MACF1: variants seen among roughly 807,000 people sequenced by gnomAD.
The protein encoded by MACF1 is microtubule-actin cross-linking factor 1.
Under a neutral mutation model 854.8 loss-of-function variants are expected in MACF1, and 193 were observed. That is an observed-to-expected ratio of 0.23 (90% CI 0.20 to 0.25). The LOEUF (loss-of-function observed/expected upper bound fraction) is 0.25. Among genes scored for constraint, MACF1 ranks in the 10% least tolerant of loss-of-function variants. The pLI, the probability that MACF1 is intolerant of heterozygous loss-of-function variation, is 1.00. For missense variants in MACF1, 7,722 were observed against 8,929.1 expected (o/e 0.86, Z 5.45); for synonymous variants, 3,185 against 3,226.7 (o/e 0.99, Z 0.44).
At position 39,316,505 on chromosome 1, in the gene MACF1, G is replaced by C. The variant is rs1455109332; in HGVS notation, c.3564G>C (p.Leu1188=). Residue 1188 remains leucine, a synonymous_variant, in exon 28 of 101, where the codon CTG becomes CTC. Coordinates refer to ENST00000564288, the MANE Select transcript of MACF1 (RefSeq NM_001394062.1). ...EEVVLADLSA[L]EAHWSTLRHW... ...TAGTACTGGCAGATCTCTCAGCTCTGGAGGCCCATTGGTCGACATTACGGG... is the reference window on the plus strand; with the variant it reads ...TAGTACTGGCAGATCTCTCAGCTCTCGAGGCCCATTGGTCGACATTACGGG... The C allele has an allele frequency of 6.2e-7, 1 of 1,613,672 alleles. No individual in the cohort carries two copies. Among genetic ancestry groups the C allele is most frequent in the Admixed American group, 1.7e-5 (1 of 59,992 alleles).
chr1:39,437,065 G>A (rs1643995362), intron 70 of MACF1, among the ~76,000 whole-genome samples: 1 of 151,996 alleles, frequency 6.6e-6, no homozygotes, highest in Admixed American at 6.6e-5. Flanking sequence ...CTAACTTGTT[G>A]GTCTAGTCTG....
intron 58 of MACF1, among the ~76,000 whole-genome samples, chr1:39,393,196 A>AAAAAAAAAAAAAAAAAAATATATATAT (rs57576149): frequency 1.5e-5 from 1 of 66,574 alleles, no homozygotes; most frequent in Non-Finnish European, 2.6e-5. Flanking sequence ...AAAAAAAAAA[A>AAAAAAAAAAAAAAAAAAATATATATAT]ATATATATAT....
chr1:39,471,496 C>T (rs1300478012), intron 97 of MACF1, among the ~76,000 whole-genome samples: 1 of 152,136 alleles, frequency 6.6e-6, no homozygotes, highest in Non-Finnish European at 1.5e-5. Context: ...TTTTACACAG[C>T]TATTTTAAAA....
At chr1:39,095,416 A>C (rs1478288531) in intron 2 of MACF1, among the ~76,000 whole-genome samples, 3 of 151,780 alleles carry the variant, frequency 2.0e-5, no homozygotes, top group African/African-American at 4.8e-5. Flanking sequence ...CAAAAAAATT[A>C]GCTAGGCATG....
intron 6 of MACF1, among the ~76,000 whole-genome samples, chr1:39,268,174 G>A (rs1176715731): frequency 6.6e-6 from 1 of 152,084 alleles, no homozygotes; most frequent in African/African-American, 2.4e-5. Flanking sequence ...AGTACCAGCC[G>A]AGCTGGTTTG....
chr1:39,241,175 C>T (rs954210710), intron 2 of MACF1, among the ~76,000 whole-genome samples: 2 of 151,902 alleles, frequency 1.3e-5, no homozygotes, highest in Admixed American at 6.6e-5. Context: ...AATTACTAGG[C>T]TCACTTTCCC....
At chr1:39,355,845 A>G (rs1398660289) in intron 44 of MACF1, among the ~76,000 whole-genome samples, 1 of 152,102 alleles carries the variant, frequency 6.6e-6, no homozygotes, top group African/African-American at 2.4e-5. Context: ...TCACTGTAAC[A>G]GGTGTGGACT....
chr1:39,129,308 G>T (rs940094817), intron 2 of MACF1, among the ~76,000 whole-genome samples: 2 of 152,192 alleles, frequency 1.3e-5, no homozygotes, highest in African/African-American at 4.8e-5. Flanking sequence ...CTGAAAAGGG[G>T]ATGGATGGGA....
At chr1:39,447,183 A>G (rs1367838927) in intron 80 of MACF1, among the ~76,000 whole-genome samples, 1 of 152,216 alleles carries the variant, frequency 6.6e-6, no homozygotes, top group East Asian at 1.9e-4. Context: ...TAGCAGAGAA[A>G]GGAACTTAGC....
At chr1:39,088,812 C>T (rs957359823) in intron 2 of MACF1, among the ~76,000 whole-genome samples, 1 of 152,146 alleles carries the variant, frequency 6.6e-6, no homozygotes, top group East Asian at 1.9e-4. Flanking sequence ...CTTGGGGGTG[C>T]GATTCACATC....
chr1:39,289,043 C>T (rs1347821556), intron 15 of MACF1, among the ~76,000 whole-genome samples: 1 of 152,176 alleles, frequency 6.6e-6, no homozygotes, highest in Non-Finnish European at 1.5e-5. Context: ...CCTCTAGTTC[C>T]ATCCATATTG....
intron 26 of MACF1, among the ~76,000 whole-genome samples, chr1:39,314,432 T>G (rs1646367065): frequency 6.6e-6 from 1 of 151,792 alleles, no homozygotes; most frequent in Non-Finnish European, 1.5e-5. Context: ...AGAAAACATA[T>G]ATTTACAAAT....
chr1:39,138,254 G>T (rs972874907), intron 2 of MACF1, among the ~76,000 whole-genome samples: 1 of 152,044 alleles, frequency 6.6e-6, no homozygotes, highest in African/African-American at 2.4e-5. Flanking sequence ...ACTTCATGTT[G>T]TATTTGAGTA....
chr1:39,257,266 A>G (rs183919503), intron 5 of MACF1, among the ~76,000 whole-genome samples: 1 of 152,208 alleles, frequency 6.6e-6, no homozygotes, highest in East Asian at 1.9e-4. Context: ...CAGCTTGGAT[A>G]GGGATCTCAA....
At position 39,444,706 on chromosome 1, in the gene MACF1, A is replaced by C. The variant is rs1411074408; in HGVS notation, c.19476A>C (p.Gln6492His). 1 of 1,614,012 alleles carries C rather than the reference A, an allele frequency of 6.2e-7. No homozygotes were observed. The highest frequency in any genetic ancestry group is 1.1e-5 in the South Asian group (1 of 91,072). The change falls in exon 80 of 101, where the codon CAA (glutamine) becomes CAC (histidine). Residue 6492 changes from glutamine (Q) to histidine (H), a missense_variant. By Grantham distance (24) the Gln-to-His change is conservative (BLOSUM62 0). Transcript: ENST00000564288. ...AAGCCAAGGAAGAGACTTATAATCA[A>C]CTACTTGACAAGGGCAGACTCATGC... ...QLKAKEETYN[Q>H]LLDKGRLMLL...
At chr1:39,383,378 A>G (rs2148560533) in intron 56 of MACF1, among the ~76,000 whole-genome samples, 1 of 152,318 alleles carries the variant, frequency 6.6e-6, no homozygotes, top group East Asian at 1.9e-4. Context: ...TTTGGCTTCA[A>G]GAACCCCTTT....
chr1:39,429,361 G>A, intron 64 of MACF1, 35 bp downstream of exon 64: 1 of 1,197,238 alleles, frequency 8.4e-7, no homozygotes, highest in Non-Finnish European at 1.2e-6. Context: ...GCACCCCTAT[G>A]GTCTCAAAGA....
intron 1 of MACF1, among the ~76,000 whole-genome samples, chr1:39,229,116 T>C (rs1196093048): frequency 6.6e-6 from 1 of 152,242 alleles, no homozygotes; most frequent in Non-Finnish European, 1.5e-5. Flanking sequence ...ATTGTAGATT[T>C]ATGGGAGATT....
chr1:39,257,908 CT>C, intron 5 of MACF1, 27 bp from the exon 6 acceptor site: 1 of 1,541,150 alleles, frequency 6.5e-7, no homozygotes, highest in Non-Finnish European at 9.0e-7. Context: ...TCCTAGAGCT[CT>C]GAGCCGTGCT....
Sources: gnomAD v4.1 joint callset for allele counts (sites outside exome capture counted in the v4.1 genomes callset) on GRCh38, gnomAD v4.1.1 for gene constraint, MANE v1.5 for transcripts, NCBI Gene and HGNC (gene_info 2026-07-23, HGNC 2026-07-21) for gene names.